TPO: variants seen among roughly 807,000 people sequenced by gnomAD.
TPO encodes the protein thyroid peroxidase.
TPO carries 78 observed loss-of-function variants against 96.9 expected under a neutral mutation model. The ratio of observed to expected loss-of-function variants is 0.81; its 90% CI spans 0.67 to 0.97. TPO has a LOEUF of 0.97. Ranked by LOEUF, TPO falls within the 50% of genes least tolerant of loss-of-function variation. TPO has a pLI of 0.00. For missense variants in TPO, 1,252 were observed against 1,274.8 expected, an observed-to-expected ratio of 0.98 and a Z score of 0.27; for synonymous variants, 547 against 538.0, an observed-to-expected ratio of 1.02 and a Z score of -0.23.
At position 1,457,991 on chromosome 2, in the gene TPO, C is replaced by T. The variant is rs187459451; in HGVS notation, c.819+1709C>T. ...TGGCATATAAGATAGTGTGTGGGCACGTGTGTATATGGCATATAAGATAGT... is the reference window on the plus strand; with the variant it reads ...TGGCATATAAGATAGTGTGTGGGCATGTGTGTATATGGCATATAAGATAGT... On this transcript the variant is annotated intron_variant, in intron 7 of 16. Coordinates refer to ENST00000329066, the MANE Select transcript of TPO (RefSeq NM_001206744.2). 2.7e-5 allele frequency among the ~76,000 whole-genome samples: 4 copies of T among 148,774 alleles called. No individual in the cohort carries two copies. In the East Asian group the frequency reaches 6.1e-4, roughly 23 times the overall value.
chr2:1,516,476 C>G (rs953908142), intron 14 of TPO, among the ~76,000 whole-genome samples: 1 of 152,208 alleles, frequency 6.6e-6, no homozygotes, highest in Non-Finnish European at 1.5e-5. Flanking sequence ...GCGTCCCTTA[C>G]AGCCCACCTT....
At chr2:1,511,344 C>A (rs12105374) in intron 14 of TPO, among the ~76,000 whole-genome samples, 9 of 254 alleles carry the variant, frequency 0.035, 1 homozygote, top group African/African-American at 0.036. Context: ...TGCCACAGCG[C>A]AGCCCTGCAG....
At chr2:1,433,349 C>T (rs570339974) in intron 3 of TPO, 89 bp from the exon 4 acceptor site, 2 of 1,522,426 alleles carry the variant, frequency 1.3e-6, no homozygotes, top group East Asian at 2.3e-5. Flanking sequence ...AGTAGTTACT[C>T]AATAAATGTC....
At chr2:1,525,063 G>A (rs1676124864) in intron 15 of TPO, among the ~76,000 whole-genome samples, 1 of 43,466 alleles carries the variant, frequency 2.3e-5, no homozygotes, top group African/African-American at 1.0e-4. Flanking sequence ...CCCTCCCACT[G>A]TGTGCAACCC....
chr2:1,403,956 A>T (rs1397264110), intron 1 of TPO, among the ~76,000 whole-genome samples: 1 of 152,202 alleles, frequency 6.6e-6, no homozygotes, highest in Non-Finnish European at 1.5e-5. Flanking sequence ...CCTGTCTGTT[A>T]CTGCATTAAC....
intron 15 of TPO, among the ~76,000 whole-genome samples, chr2:1,534,671 C>CA (rs1679149343): frequency 2.1e-5 from 3 of 142,516 alleles, no homozygotes; most frequent in African/African-American, 7.8e-5. Flanking sequence ...ATACCCCCCC[C>CA]ACTCTGTGCA....
At chr2:1,419,511 G>A (rs10193983) in intron 2 of TPO, among the ~76,000 whole-genome samples, 22,974 of 152,066 alleles carry the variant, frequency 0.15, 1,910 homozygotes, top group African/African-American at 0.22. Context: ...ACATAAATCC[G>A]CAAAAGTGAC....
intron 10 of TPO, among the ~76,000 whole-genome samples, chr2:1,491,177 A>C (rs574681259): frequency 3.2e-4 from 48 of 151,726 alleles, no homozygotes; most frequent in African/African-American, 8.0e-4. Flanking sequence ...CAAAAAAAAA[A>C]CCAAAAAAAC....
intron 1 of TPO, among the ~76,000 whole-genome samples, chr2:1,389,207 G>A (rs1661958243): frequency 6.6e-6 from 1 of 152,122 alleles, no homozygotes; most frequent in African/African-American, 2.4e-5. Context: ...TGGTGCCACA[G>A]GGAAGGGTGC....
intron 14 of TPO, among the ~76,000 whole-genome samples, chr2:1,505,818 C>T (rs1165469804): frequency 3.4e-5 from 5 of 148,140 alleles, no homozygotes; most frequent in African/African-American, 7.5e-5. Context: ...TTAGGGGTTG[C>T]GGAGAAATTC....
At chr2:1,522,144 TAC>T (rs1675348490) in intron 15 of TPO, among the ~76,000 whole-genome samples, 2 of 70,576 alleles carry the variant, frequency 2.8e-5, no homozygotes, top group South Asian at 1.3e-3. Flanking sequence ...ACCGTGCCCT[TAC>T]AGTCTCTACC....
At chr2:1,429,967 G>A (rs535959597) in intron 3 of TPO, among the ~76,000 whole-genome samples, 1 of 152,194 alleles carries the variant, frequency 6.6e-6, no homozygotes, top group Non-Finnish European at 1.5e-5. Flanking sequence ...ACAATATCCT[G>A]TTTTCAGGGA....
At chr2:1,471,311 T>G (rs1669383432) in intron 7 of TPO, among the ~76,000 whole-genome samples, 1 of 152,186 alleles carries the variant, frequency 6.6e-6, no homozygotes, top group Admixed American at 6.5e-5. Context: ...CTTTATTTTC[T>G]ATTACCTTCC....
intron 15 of TPO, among the ~76,000 whole-genome samples, chr2:1,537,206 CA>C (rs1679936034): frequency 7.6e-6 from 1 of 131,834 alleles, no homozygotes; most frequent in Non-Finnish European, 1.6e-5. Flanking sequence ...CAAATCCCCC[CA>C]CTGTGTGCCA....
chr2:1,440,071 G>GGTGCTGCATTTCCAAT (rs1381982139), intron 5 of TPO, among the ~76,000 whole-genome samples: 1 of 151,390 alleles, frequency 6.6e-6, no homozygotes, highest in Non-Finnish European at 1.5e-5. Flanking sequence ...TGTCTGGGCT[G>GGTGCTGCATTTCCAAT]GTGCTGCATT....
chr2:1,381,925 G>A (rs1003592100), intron 1 of TPO, among the ~76,000 whole-genome samples: 1 of 152,134 alleles, frequency 6.6e-6, no homozygotes, highest in African/African-American at 2.4e-5. Flanking sequence ...TTGAGAATTA[G>A]AGAAATTGTG....
chr2:1,424,955 TC>T (rs1664178739), intron 3 of TPO, among the ~76,000 whole-genome samples: 1 of 45,250 alleles, frequency 2.2e-5, no homozygotes, highest in African/African-American at 8.6e-5. Flanking sequence ...AAGTCCATGC[TC>T]CCTCTATAAA....
chr2:1,471,122 A>G (rs1669364455), intron 7 of TPO, among the ~76,000 whole-genome samples: 2 of 152,164 alleles, frequency 1.3e-5, no homozygotes, highest in Admixed American at 1.3e-4. Flanking sequence ...GGGGTTGCCC[A>G]TTCTTTTACT....
At chr2:1,396,644 G>A (rs1005592416) in intron 1 of TPO, among the ~76,000 whole-genome samples, 1 of 152,172 alleles carries the variant, frequency 6.6e-6, no homozygotes, top group Non-Finnish European at 1.5e-5. Context: ...GTGAGGATGG[G>A]CATCGCGTCA....
Sources: gnomAD v4.1 joint callset for allele counts (sites outside exome capture counted in the v4.1 genomes callset) on GRCh38, gnomAD v4.1.1 for gene constraint, MANE v1.5 for transcripts, NCBI Gene and HGNC (gene_info 2026-07-23, HGNC 2026-07-21) for gene names.